The following PTPRF variants were observed in gnomAD, a reference collection of about 807,000 sequenced individuals.
PTPRF encodes receptor-type tyrosine-protein phosphatase F.
In PTPRF, 59 loss-of-function variants were observed where a neutral mutation model predicts 201.8. The observed-to-expected ratio is 0.29, with a 90% confidence interval of 0.24 to 0.36. The LOEUF is 0.36. Among genes scored for constraint, PTPRF ranks in the 10% least tolerant of loss-of-function variants. The pLI, the probability that PTPRF is intolerant of heterozygous loss-of-function variation, is 1.00. For missense variants in PTPRF, 2,132 were observed against 2,690.5 expected, an observed-to-expected ratio of 0.79 and a Z score of 4.59; for synonymous variants, 1,088 against 1,089.7, an observed-to-expected ratio of 1.00 and a Z score of 0.03.
chr1:43,621,679 G>C lies in PTPRF; in HGVS notation c.5656-256G>C, dbSNP rs684840. Reference sequence around the variant, plus strand: ...CAGAGCAATCCTTATGGGGTGCCCAGTCAGGAGCAGAGAAACATGATTGGG... The same window carrying C: ...CAGAGCAATCCTTATGGGGTGCCCACTCAGGAGCAGAGAAACATGATTGGG... On this transcript the variant is annotated intron_variant, in intron 33 of 33. Transcript: ENST00000359947. Among the ~76,000 whole-genome samples the C allele has an allele frequency of 2.0e-3, 304 of 152,304 alleles. 1 individual carries two copies. The highest frequency in any genetic ancestry group is 7.0e-3 in the African/African-American group (292 of 41,554).
In PTPRF at chr1:43,617,848, G is replaced by A. The variant is rs641351; in HGVS notation, c.4308G>A (p.Arg1436=). The A allele has an allele frequency of 0.74, 1,197,997 of 1,613,450 alleles. 449,151 individuals carry two copies. Among genetic ancestry groups the A allele is most frequent in the African/African-American group, 0.92 (69,259 of 75,008 alleles). The change falls in exon 25 of 34, where the codon AGG becomes AGA. Residue 1436 remains arginine (R), a synonymous_variant. Coordinates refer to ENST00000359947, the MANE Select transcript of PTPRF (RefSeq NM_002840.5). ...PLPETMGDFW[R]MVWEQRTATV... The stretch of plus-strand genomic sequence containing the variant: ...CCGAGACCATGGGTGATTTCTGGAG[G>A]ATGGTGTGGGAACAGCGCACGGCCA...
At position 43,542,873 on chromosome 1, in the gene PTPRF, G is replaced by A. The variant is rs1261112931; in HGVS notation, c.-45-2158G>A. Among the ~76,000 whole-genome samples, 1 of 152,188 alleles carries A rather than the reference G, an allele frequency of 6.6e-6. No individual in the cohort carries two copies. The highest frequency in any genetic ancestry group is 2.4e-5 in the African/African-American group (1 of 41,436). ...ATTGTACTGGGGAGCTATATCCCATGATGACGGTGCTGTGCATTTTATTTT... is the reference window on the plus strand; with the variant it reads ...ATTGTACTGGGGAGCTATATCCCATAATGACGGTGCTGTGCATTTTATTTT... On this transcript the variant is annotated intron_variant, in intron 2 of 33. Transcript: ENST00000359947. The surrounding 1 kb of genome is among the most constrained non-coding windows in gnomAD (Gnocchi z 5.2).
intron 11 of PTPRF, among the ~76,000 whole-genome samples, chr1:43,593,573 C>T (rs1322875401): frequency 7.4e-6 from 1 of 134,618 alleles, no homozygotes; most frequent in Non-Finnish European, 1.7e-5. Flanking sequence ...TCTGATGTGG[C>T]CATGTGATGA....
intron 3 of PTPRF, among the ~76,000 whole-genome samples, chr1:43,551,055 A>G (rs1012582601): frequency 2.0e-5 from 3 of 151,816 alleles, no homozygotes; most frequent in Non-Finnish European, 4.4e-5. Flanking sequence ...AGGTCTTTGG[A>G]GGGTTTTGAT....
chr1:43,532,522 G>C (rs1465777584), intron 1 of PTPRF: 1 of 161,108 alleles, frequency 6.2e-6, no homozygotes, highest in Non-Finnish European at 1.4e-5. Flanking sequence ...ACTGGGGTGA[G>C]AGGCGTAGAA....
At chr1:43,569,477 G>A (rs776489924) in intron 5 of PTPRF, 113 bp from the exon 6 acceptor site, 11 of 1,028,800 alleles carry the variant, frequency 1.1e-5, no homozygotes, top group Admixed American at 2.5e-5. Flanking sequence ...CAAGGAAAGG[G>A]GAGGGGAGTC....
chr1:43,562,115 G>GT (rs570162070), intron 5 of PTPRF, among the ~76,000 whole-genome samples: 2,003 of 147,132 alleles, frequency 0.014, 28 homozygotes, highest in Admixed American at 0.032. Context: ...GAGAGGACTT[G>GT]TTTTTTTTTT....
At chr1:43,592,630 T>TA in intron 11 of PTPRF, 29 bp downstream of exon 11, 1 of 1,553,664 alleles carries the variant, frequency 6.4e-7, no homozygotes, top group Non-Finnish European at 8.7e-7. Flanking sequence ...CGCTGCCTGT[T>TA]ACACCTGGGC....
At chr1:43,597,579 T>A (rs562249) in intron 11 of PTPRF, among the ~76,000 whole-genome samples, 169 bp from the exon 12 acceptor site, 30 of 152,252 alleles carry the variant, frequency 2.0e-4, no homozygotes, top group African/African-American at 7.2e-4. Flanking sequence ...GGGAGTCAGG[T>A]GTCCTTGGCG....
intron 7 of PTPRF, 56 bp downstream of exon 7, chr1:43,578,976 C>A: frequency 6.5e-7 from 1 of 1,535,932 alleles, no homozygotes; most frequent in Non-Finnish European, 9.0e-7. Context: ...CTGCACCTGC[C>A]GGGCTCTCTG....
In PTPRF at chr1:43,559,325, G is replaced by T. The variant is rs181713127; in HGVS notation, c.379+5384G>T. ...GCTGTATGGGCTGTGTATGCAGCGC[G>T]CAGTGTTTGTGTGCACGTGTGTGCG... On this transcript the variant is annotated intron_variant, in intron 5 of 33. Transcript: ENST00000359947. 4.5e-4 allele frequency among the ~76,000 whole-genome samples: 68 copies of T among 152,306 alleles called. 2 individuals carry two copies. The East Asian group carries it at 0.012, about 27-fold the overall frequency.
intron 2 of PTPRF, among the ~76,000 whole-genome samples, chr1:43,539,887 C>T (rs1363211641): frequency 6.6e-6 from 1 of 152,060 alleles, no homozygotes; most frequent in Non-Finnish European, 1.5e-5. Flanking sequence ...TGTGGGGGTA[C>T]AGGGGAAGAT....
At chr1:43,595,329 C>T (rs1382159618) in intron 11 of PTPRF, among the ~76,000 whole-genome samples, 1 of 152,122 alleles carries the variant, frequency 6.6e-6, no homozygotes, top group African/African-American at 2.4e-5. Context: ...ATTCTCCTGC[C>T]TCAGCCTCCC....
At chr1:43,591,731 T>C in intron 9 of PTPRF, 81 bp from the exon 10 acceptor site, 1 of 1,558,366 alleles carries the variant, frequency 6.4e-7, no homozygotes, top group South Asian at 1.2e-5. Context: ...GGTTAGGACC[T>C]GACTTCCTCG....
chr1:43,600,516 C>G (rs1653491329), intron 13 of PTPRF, among the ~76,000 whole-genome samples: 1 of 152,022 alleles, frequency 6.6e-6, no homozygotes, highest in African/African-American at 2.4e-5. Flanking sequence ...GCAGTGGGGC[C>G]TGGTCCCGAG....
At chr1:43,575,771 T>C (rs751065238) in intron 6 of PTPRF, 3 of 687,090 alleles carry the variant, frequency 4.4e-6, no homozygotes, top group Non-Finnish European at 6.8e-6. Context: ...CGTGTCGGCC[T>C]AACTCAGGCC....
At chr1:43,563,813 T>G (rs556820539) in intron 5 of PTPRF, among the ~76,000 whole-genome samples, 1 of 151,640 alleles carries the variant, frequency 6.6e-6, no homozygotes, top group South Asian at 2.1e-4. Context: ...CTCCCTGGAG[T>G]AGGACTGAGG....
At chr1:43,589,114 C>T (rs1399340810) in intron 8 of PTPRF, 114 bp downstream of exon 8, 18 of 1,301,838 alleles carry the variant, frequency 1.4e-5, no homozygotes, top group Non-Finnish European at 1.8e-5. Context: ...GATTCTTGCC[C>T]TTTCCTGGGT....
At chr1:43,591,585 C>A (rs764023765) in intron 9 of PTPRF, 32 bp downstream of exon 9, 1 of 1,527,512 alleles carries the variant, frequency 6.5e-7, no homozygotes, top group South Asian at 1.2e-5. Context: ...GGGCAGCCAA[C>A]AGCAGAGAAG....
Sources: allele counts gnomAD v4.1 joint callset (sites outside exome capture counted in the v4.1 genomes callset), GRCh38; gene constraint gnomAD v4.1.1; non-coding constraint Gnocchi (gnomAD v3.1); transcripts MANE v1.5; gene names NCBI Gene and HGNC (gene_info 2026-07-23, HGNC 2026-07-21).